The following RANBP17 variants were observed in gnomAD, a reference collection of about 807,000 sequenced individuals.
RANBP17 encodes RAN binding protein 17.
A neutral mutation model predicts 141.2 loss-of-function variants in RANBP17; 158 were observed. The observed-to-expected ratio is 1.12, with a 90% confidence interval of 0.98 to 1.28. The LOEUF (loss-of-function observed/expected upper bound fraction) is 1.28. Ranked by LOEUF, RANBP17 falls within the 50% of genes most tolerant of loss-of-function variation. The pLI is 0.00. For synonymous variants in RANBP17, 430 were observed against 450.0 expected, an observed-to-expected ratio of 0.96 and a Z score of 0.56; for missense variants, 1,438 against 1,290.7, an observed-to-expected ratio of 1.11 and a Z score of -1.75.
At chr5:171,137,531 C>T (rs1328746830) in intron 14 of RANBP17, among the ~76,000 whole-genome samples, 1 of 147,492 alleles carries the variant, frequency 6.8e-6, no homozygotes, top group African/African-American at 2.5e-5. Flanking sequence ...ATAAGAGAAA[C>T]TTCTTAATTT....
intron 14 of RANBP17, among the ~76,000 whole-genome samples, chr5:171,139,904 G>A (rs1757576282): frequency 6.6e-6 from 1 of 152,132 alleles, no homozygotes; most frequent in East Asian, 1.9e-4. Context: ...TACTGGCCTA[G>A]CCTCAATTTT....
intron 14 of RANBP17, among the ~76,000 whole-genome samples, chr5:171,095,379 A>G (rs956229202): frequency 6.6e-6 from 1 of 152,200 alleles, no homozygotes; most frequent in Non-Finnish European, 1.5e-5. Context: ...GGATCACAAC[A>G]GGTACAGAAA....
At chr5:170,896,863 T>C (rs1770169924) in intron 5 of RANBP17, 3 of 506,766 alleles carry the variant, frequency 5.9e-6, no homozygotes, top group Non-Finnish European at 3.6e-6. Flanking sequence ...ACAGGCCTTT[T>C]GGGTTGCAGG....
chr5:170,904,555 G>A (rs1770922341), intron 5 of RANBP17: 1 of 152,098 alleles, frequency 6.6e-6, no homozygotes, highest in Non-Finnish European at 1.5e-5. Context: ...AGTCTAGTTT[G>A]TTTTTCATAT....
intron 14 of RANBP17, among the ~76,000 whole-genome samples, chr5:171,070,750 A>G (rs1784586918): frequency 6.6e-6 from 1 of 152,074 alleles, no homozygotes; most frequent in African/African-American, 2.4e-5. Flanking sequence ...CAATACTAGT[A>G]TCAGTTTTCT....
chr5:170,948,813 A>G (rs1396696993), intron 12 of RANBP17, among the ~76,000 whole-genome samples: 5 of 152,174 alleles, frequency 3.3e-5, no homozygotes, highest in African/African-American at 1.2e-4. Context: ...AATTTACTAG[A>G]AAACAACAGT....
intron 13 of RANBP17, among the ~76,000 whole-genome samples, chr5:170,965,513 A>G (rs1053837871): frequency 2.4e-4 from 37 of 152,308 alleles, no homozygotes; most frequent in African/African-American, 6.7e-4. Flanking sequence ...GTTTTCTTCT[A>G]GGGTTTTTAT....
In RANBP17 at chr5:170,945,940, C is replaced by G. The variant is rs150804792; in HGVS notation, c.1469-7657C>G. ...GGGTTAGGACTCATAATGTGTTAAA[C>G]GCTTAAGAGATTGTTGGATTATAAG... is the stretch of plus-strand genomic sequence containing the variant. On this transcript the variant is annotated intron_variant, in intron 12 of 27. Coordinates refer to ENST00000523189, the MANE Select transcript of RANBP17 (RefSeq NM_022897.5). 9.9e-5 allele frequency among the ~76,000 whole-genome samples: 15 copies of G among 152,178 alleles called. No individual in the cohort carries two copies. The South Asian group carries it at 3.1e-3, about 32-fold the overall frequency.
Position 171,276,918 on chromosome 5 carries a change from T to TA in RANBP17, c.2943+11097dup, listed in dbSNP as rs149425836. 4.9e-3 allele frequency among the ~76,000 whole-genome samples: 403 copies of TA among 82,212 alleles called. 7 individuals carry two copies. Among genetic ancestry groups the TA allele is most frequent in the African/African-American group, 0.018 (375 of 21,010 alleles). The allele number at this position is 82,212 out of a possible 152,430, so 53.9% of individuals were successfully genotyped here. On this transcript the variant is annotated intron_variant, in intron 25 of 27. Coordinates refer to ENST00000523189, the MANE Select transcript of RANBP17 (RefSeq NM_022897.5). ...TAAAAAGAATTCACTAAATGTATCT[T>TA]AAAAAAAAAAAAAAAAAAAAAAAAA... is the stretch of plus-strand genomic sequence containing the variant.
At chr5:171,226,611 A>C (rs916366094) in intron 22 of RANBP17, among the ~76,000 whole-genome samples, 1 of 152,012 alleles carries the variant, frequency 6.6e-6, no homozygotes, top group Non-Finnish European at 1.5e-5. Flanking sequence ...ATTGGTTTTC[A>C]CCCTTGGTTT....
chr5:170,992,764 A>G (rs1345026986), intron 14 of RANBP17, among the ~76,000 whole-genome samples: 4 of 151,984 alleles, frequency 2.6e-5, no homozygotes, highest in African/African-American at 7.2e-5. Context: ...ATTTTTATGT[A>G]TATCAAAGGG....
intron 21 of RANBP17, among the ~76,000 whole-genome samples, chr5:171,218,639 C>A (rs1763367810): frequency 6.6e-6 from 1 of 152,020 alleles, no homozygotes; most frequent in Non-Finnish European, 1.5e-5. Flanking sequence ...TGCATTGATC[C>A]CTTTAGCATT....
chr5:171,205,363 G>A (rs1211952150), intron 19 of RANBP17, among the ~76,000 whole-genome samples, 161 bp from the exon 20 acceptor site: 1 of 152,154 alleles, frequency 6.6e-6, no homozygotes, highest in Non-Finnish European at 1.5e-5. Flanking sequence ...AGATTTGATG[G>A]TCTGTTTAAA....
At chr5:171,220,369 G>A (rs1027729529) in intron 21 of RANBP17, among the ~76,000 whole-genome samples, 1 of 150,736 alleles carries the variant, frequency 6.6e-6, no homozygotes, top group Admixed American at 6.6e-5. Context: ...CCCGCCTTCT[G>A]CATTGGTCTC....
intron 25 of RANBP17, among the ~76,000 whole-genome samples, chr5:171,266,051 G>C (rs544506738): frequency 2.0e-5 from 3 of 152,246 alleles, no homozygotes; most frequent in African/African-American, 7.2e-5. Context: ...AAATACCTGG[G>C]TTGTTCATCT....
intron 14 of RANBP17, among the ~76,000 whole-genome samples, chr5:171,022,274 G>A (rs1240058442): frequency 6.6e-6 from 1 of 152,208 alleles, no homozygotes; most frequent in Non-Finnish European, 1.5e-5. Context: ...CACCCAGTTG[G>A]GTGGCACAGG....
At chr5:171,031,497 C>A (rs1157635879) in intron 14 of RANBP17, among the ~76,000 whole-genome samples, 2 of 151,974 alleles carry the variant, frequency 1.3e-5, no homozygotes, top group Non-Finnish European at 2.9e-5. Flanking sequence ...TAGAGCCAGG[C>A]ATTATGGAGA....
At chr5:171,109,598 C>T (rs149527979) in intron 14 of RANBP17, among the ~76,000 whole-genome samples, 320 of 152,182 alleles carry the variant, frequency 2.1e-3, no homozygotes, top group African/African-American at 7.4e-3. Flanking sequence ...TAGTGCACAT[C>T]CTCTCACATA....
intron 14 of RANBP17, among the ~76,000 whole-genome samples, chr5:171,082,213 TA>T (rs145678956): frequency 0.024 from 3,700 of 152,204 alleles, 132 homozygotes; most frequent in African/African-American, 0.084. Flanking sequence ...TGTTTTTCAT[TA>T]AAATACACAC....
Sources: gnomAD v4.1 joint callset for allele counts (sites outside exome capture counted in the v4.1 genomes callset) on GRCh38, gnomAD v4.1.1 for gene constraint, MANE v1.5 for transcripts, NCBI Gene and HGNC (gene_info 2026-07-23, HGNC 2026-07-21) for gene names.